The following TBCK variants were observed in gnomAD, a reference collection of about 807,000 sequenced individuals.
The protein encoded by TBCK is TBC domain-containing protein kinase-like protein.
TBCK carries 99 observed loss-of-function variants against 113.4 expected under a neutral mutation model. That is an observed-to-expected ratio of 0.87 (90% CI 0.74 to 1.03). The LOEUF (loss-of-function observed/expected upper bound fraction) is 1.03, where lower values mean the gene tolerates loss of function less well. Among genes scored for constraint, TBCK ranks in the 50% least tolerant of loss-of-function variants. The probability of loss-of-function intolerance (pLI) is 0.00; values close to 1 mark genes in which losing one functional copy is unlikely to be tolerated. For missense variants in TBCK, 1,045 were observed against 1,061.3 expected (o/e 0.98, Z 0.21); for synonymous variants, 369 against 370.8 (o/e 1.00, Z 0.05).
intron 2 of TBCK, among the ~76,000 whole-genome samples, chr4:106,299,407 A>G (rs1309237190): frequency 6.6e-6 from 1 of 152,252 alleles, no homozygotes; most frequent in Non-Finnish European, 1.5e-5. Context: ...ACCATTTTAA[A>G]TTGGATATTC....
rs115606715 is a variant in TBCK, at chr4:106,278,827, T to C, written c.266+16267A>G. On this transcript the variant is annotated intron_variant, in intron 3 of 25. Coordinates refer to ENST00000394708, the MANE Select transcript of TBCK (RefSeq NM_001163435.3). ...TGGGTATAATCAACTCATAAAACAC[T>C]ATAAATTTTAAGGATGCATAATGTA... is the stretch of plus-strand genomic sequence containing the variant. 9.0e-3 allele frequency among the ~76,000 whole-genome samples: 1,374 copies of C among 152,076 alleles called. 6 individuals are homozygous for C. The highest frequency in any genetic ancestry group is 0.013 in the Non-Finnish European group (890 of 67,966).
In TBCK at chr4:106,148,245, T is replaced by C. The variant is rs1269438888; in HGVS notation, c.2235+22850A>G. Among the ~76,000 whole-genome samples the C allele has an allele frequency of 2.6e-5, 4 of 152,240 alleles. No individual in the cohort carries two copies. In the South Asian group the frequency reaches 8.3e-4, roughly 31 times the overall value. Reference sequence around the variant, plus strand: ...TGCCTTGTGATATTCTATTACCTTGTGGAGTACGTGATCTCTGTGACCCAC... The same window carrying C: ...TGCCTTGTGATATTCTATTACCTTGCGGAGTACGTGATCTCTGTGACCCAC... On this transcript the variant is annotated intron_variant, in intron 23 of 25. Transcript: ENST00000394708.
chr4:106,193,866 G>T, intron 21 of TBCK, 96 bp from the exon 22 acceptor site: 2 of 798,362 alleles, frequency 2.5e-6, no homozygotes, highest in Non-Finnish European at 3.8e-6. Flanking sequence ...ATTACCTTAT[G>T]GTCAAAACTA....
intron 2 of TBCK, among the ~76,000 whole-genome samples, chr4:106,303,434 T>C (rs1767165600): frequency 6.6e-6 from 1 of 152,180 alleles, no homozygotes; most frequent in South Asian, 2.1e-4. Context: ...TATATACACA[T>C]ACACAATTTT....
intron 25 of TBCK, among the ~76,000 whole-genome samples, chr4:106,079,391 T>C (rs1438061823): frequency 6.6e-6 from 1 of 152,198 alleles, no homozygotes; most frequent in Non-Finnish European, 1.5e-5. Context: ...TAATCTTTCT[T>C]CACAGATGAT....
At chr4:106,272,231 C>T (rs529701489) in intron 3 of TBCK, among the ~76,000 whole-genome samples, 62 of 152,116 alleles carry the variant, frequency 4.1e-4, no homozygotes, top group South Asian at 1.5e-3. Flanking sequence ...TAATAATAAC[C>T]GCCAGTACAG....
chr4:106,117,066 G>A (rs1743605755), intron 23 of TBCK, among the ~76,000 whole-genome samples: 1 of 151,936 alleles, frequency 6.6e-6, no homozygotes, highest in Admixed American at 6.6e-5. Context: ...TGGTGTAACT[G>A]ATACCTTACT....
At chr4:106,206,048 A>C (rs1295571846) in intron 20 of TBCK, among the ~76,000 whole-genome samples, 1 of 152,160 alleles carries the variant, frequency 6.6e-6, no homozygotes, top group Non-Finnish European at 1.5e-5. Context: ...ATACATAAAT[A>C]TATTTTAAAT....
At chr4:106,285,885 T>C (rs1765062371) in intron 3 of TBCK, among the ~76,000 whole-genome samples, 1 of 152,216 alleles carries the variant, frequency 6.6e-6, no homozygotes, top group African/African-American at 2.4e-5. Context: ...AAACAGGTTA[T>C]AAAATTGATT....
rs770884853 is a variant in TBCK, at chr4:106,308,859, A to C, written c.102T>G (p.Asn34Lys). Residue 34 changes from asparagine (N) to lysine (K), a missense_variant, in exon 2 of 26, where the codon AAT becomes AAG. Asn to Lys is a moderately conservative substitution (Grantham distance 94). Coordinates refer to ENST00000394708, the MANE Select transcript of TBCK (RefSeq NM_001163435.3). ...CGSNGLPLTP[N>K]SIKILGRFQI... ...GAAAGCGCCCTAAAATTTTGATGGA[A>C]TTTGGTGTGAGAGGAAGTCCATTGC... is the stretch of plus-strand genomic sequence containing the variant. 7 of 1,614,146 alleles carry C rather than the reference A, an allele frequency of 4.3e-6. No individual in the cohort carries two copies. In the East Asian group the frequency reaches 1.6e-4, roughly 36 times the overall value.
chr4:106,302,157 A>C lies in TBCK; in HGVS notation c.193+6611T>G, dbSNP rs1003688687. 1.1e-4 allele frequency among the ~76,000 whole-genome samples: 16 copies of C among 152,328 alleles called. 1 individual carries two copies. The South Asian group carries it at 3.1e-3, about 30-fold the overall frequency. ...TTTCATTTCAGACAACTAGACTTAG[A>C]ATATATAAACTTTACACATATTCAT... On this transcript the variant is annotated intron_variant, in intron 2 of 25. Transcript: ENST00000394708.
chr4:106,135,122 A>G (rs899740801), intron 23 of TBCK, among the ~76,000 whole-genome samples: 7 of 152,186 alleles, frequency 4.6e-5, no homozygotes, highest in Admixed American at 4.6e-4. Context: ...CATTTTGAGA[A>G]AGATGAAATA....
In TBCK at chr4:106,236,383, T is replaced by A. The variant is rs1759461089; in HGVS notation, c.1350+7A>T. 2.0e-6 allele frequency: 3 copies of A among 1,476,338 alleles called. No homozygotes were observed. Among genetic ancestry groups the A allele is most frequent in the Non-Finnish European group, 2.7e-6 (3 of 1,112,626 alleles). 91.5% of individuals were successfully genotyped at this position (1,476,338 alleles called of 1,614,324 possible). A position where few individuals can be genotyped will look rare whatever the true frequency, so the allele number is the denominator to read the frequency against. On this transcript the variant is annotated splice_region_variant and intron_variant, in intron 14 of 25. Transcript: ENST00000394708. ...ATTGTTAACACTTTATACTTTAGAA[T>A]CCATACCTTTAGCAGCCTGTCGAAG...
intron 20 of TBCK, among the ~76,000 whole-genome samples, chr4:106,198,719 T>C (rs575946327): frequency 1.3e-5 from 2 of 152,286 alleles, no homozygotes; most frequent in East Asian, 1.9e-4. Context: ...ATTCTGGGTA[T>C]ATTCATTCAC....
intron 22 of TBCK, 133 bp from the exon 23 acceptor site, chr4:106,171,403 A>G: frequency 1.8e-6 from 1 of 556,924 alleles, no homozygotes; most frequent in African/African-American, 3.0e-5. Flanking sequence ...AAATGTCAGT[A>G]AAAAAAACAA....
At chr4:106,257,389 G>T (rs1054042832) in intron 5 of TBCK, among the ~76,000 whole-genome samples, 1 of 151,952 alleles carries the variant, frequency 6.6e-6, no homozygotes. Context: ...TATTAAGTAG[G>T]CATTCAAATA....
chr4:106,263,385 G>A (rs1762675861), intron 3 of TBCK, among the ~76,000 whole-genome samples: 1 of 151,812 alleles, frequency 6.6e-6, no homozygotes, highest in Non-Finnish European at 1.5e-5. Context: ...TAAAACATAA[G>A]GATTGTCAGA....
chr4:106,146,628 C>T (rs983684840), intron 23 of TBCK, among the ~76,000 whole-genome samples: 10 of 152,134 alleles, frequency 6.6e-5, no homozygotes, highest in Non-Finnish European at 1.3e-4. Context: ...AATATGCTAA[C>T]GGTCATCTAA....
chr4:106,207,341 A>C (rs1755636257), intron 20 of TBCK, among the ~76,000 whole-genome samples: 3 of 152,200 alleles, frequency 2.0e-5, no homozygotes, highest in African/African-American at 7.2e-5. Context: ...TCAATGATGA[A>C]AGATTAATGA....
Sources: gnomAD v4.1 joint callset for allele counts (sites outside exome capture counted in the v4.1 genomes callset) on GRCh38, gnomAD v4.1.1 for gene constraint, MANE v1.5 for transcripts, NCBI Gene and HGNC (gene_info 2026-07-23, HGNC 2026-07-21) for gene names.